The following ZNF48 variants were observed in gnomAD, a reference collection of about 807,000 sequenced individuals.
ZNF48 encodes zinc finger protein 553.
ZNF48 carries 20 observed loss-of-function variants against 40.0 expected under a neutral mutation model. That is an observed-to-expected ratio of 0.50 (90% CI 0.35 to 0.73). The LOEUF (loss-of-function observed/expected upper bound fraction) is 0.73, where lower values mean the gene tolerates loss of function less well. ZNF48 is among the 30% of genes least tolerant of loss of function. The pLI is 0.01. For missense variants in ZNF48, 726 were observed against 851.9 expected, an observed-to-expected ratio of 0.85 and a Z score of 1.84; for synonymous variants, 298 against 329.7, an observed-to-expected ratio of 0.90 and a Z score of 1.04.
chr16:30,378,997 A>G (rs1385744087), intron 1 of ZNF48: 2 of 1,608,646 alleles, frequency 1.2e-6, no homozygotes, highest in African/African-American at 1.3e-5. Flanking sequence ...AGGCTCTGAT[A>G]CTGTCCGCCC....
intron 1 of ZNF48, among the ~76,000 whole-genome samples, chr16:30,387,234 C>A (rs542009057): frequency 6.8e-6 from 1 of 146,632 alleles, no homozygotes; most frequent in Non-Finnish European, 1.5e-5. Context: ...TGAGCCACCG[C>A]GCCCGGCCTT....
At chr16:30,394,909 T>C, upstream of ZNF48, 1 of 315,782 alleles carries the variant, frequency 3.2e-6, no homozygotes, top group South Asian at 2.6e-5. Context: ...TGTCTGCCTC[T>C]AGCCTCTGCT....
In ZNF48 at chr16:30,380,778, AAG is replaced by A. The variant is rs542542133; in HGVS notation, c.-16+2376_-16+2377del. The A allele has an allele frequency of 1.1e-5, 3 of 268,990 alleles. No homozygotes were observed. The South Asian group carries it at 1.3e-4, about 11-fold the overall frequency. 16.7% of individuals were successfully genotyped at this position (268,990 alleles called of 1,614,324 possible). A position where few individuals can be genotyped will look rare whatever the true frequency, so the allele number is the denominator to read the frequency against. On this transcript the variant is annotated intron_variant, in intron 1 of 2. Transcript: ENST00000528032. ...GAGTGAGACTCTATCTAAAAAAAAA[AAG>A]AGAGAGAAAGAGAGGCCGAGAGAGA...
In ZNF48 at chr16:30,396,092, C is replaced by T. The variant is rs1366592516; in HGVS notation, c.79+219C>T. On this transcript the variant is annotated intron_variant, in intron 2 of 2. Transcript: ENST00000613509. Reference sequence around the variant, plus strand: ...TCACGGCCTTCCTCATCCTTACTGCCTCTGCCCTACTTCAGGCTTCATTCT... The same window carrying T: ...TCACGGCCTTCCTCATCCTTACTGCTTCTGCCCTACTTCAGGCTTCATTCT... 11 of 439,446 alleles carry T rather than the reference C, an allele frequency of 2.5e-5. No individual in the cohort carries two copies. In the East Asian group the frequency reaches 3.1e-4, roughly 12 times the overall value. The allele number at this position is 439,446 out of a possible 1,614,324, so 27.2% of individuals were successfully genotyped here. A position where few individuals can be genotyped will look rare whatever the true frequency, so the allele number is the denominator to read the frequency against.
intron 2 of ZNF48, among the ~76,000 whole-genome samples, chr16:30,396,950 C>A (rs1287397367): frequency 6.6e-6 from 1 of 151,964 alleles, no homozygotes; most frequent in Non-Finnish European, 1.5e-5. Flanking sequence ...CCTCGGCCTC[C>A]CAAAGTGCTA....
intron 1 of ZNF48, among the ~76,000 whole-genome samples, chr16:30,387,447 C>A (rs1374137054): frequency 6.8e-6 from 1 of 147,302 alleles, no homozygotes; most frequent in Non-Finnish European, 1.5e-5. Context: ...CCCAGATATT[C>A]GGGAGGCTGA....
chr16:30,379,638 C>CTT, intron 1 of ZNF48: 14 of 295,660 alleles, frequency 4.7e-5, no homozygotes, highest in South Asian at 1.1e-4. Flanking sequence ...CTGCCCCTTC[C>CTT]TCTTTTTTTT....
chr16:30,392,313 G>A (rs1020534677), upstream of ZNF48, among the ~76,000 whole-genome samples: 3 of 151,974 alleles, frequency 2.0e-5, no homozygotes, highest in Admixed American at 2.0e-4. Context: ...GTGAGCCACC[G>A]CCCCCGGCCC....
In ZNF48 at chr16:30,395,477, C is replaced by T. The variant is rs2049973659; in HGVS notation, c.-117C>T. The T allele has an allele frequency of 3.0e-6, 1 of 332,548 alleles. No individual in the cohort carries two copies. Among genetic ancestry groups the T allele is most frequent in the Non-Finnish European group, 5.9e-6 (1 of 169,672 alleles). 20.6% of individuals were successfully genotyped at this position (332,548 alleles called of 1,614,324 possible). On this transcript the variant is annotated 5_prime_UTR_variant, in exon 1 of 3. Transcript: ENST00000613509. This position sits in a 1 kb window ranked among gnomAD's most constrained non-coding sequence, Gnocchi z 5.9. ...GGGTCCGAGCCCGCTCCCGGCTTGG[C>T]GCGGAGCCTGCATCCCGGAGCCGCT...
intron 1 of ZNF48, chr16:30,378,814 T>C (rs976803356): frequency 2.0e-6 from 2 of 978,254 alleles, no homozygotes; most frequent in African/African-American, 1.9e-5. Flanking sequence ...AGCCAGTTCC[T>C]TGAGGTTAGG....
Position 30,398,389 on chromosome 16 carries a change from C to G in ZNF48, c.1139C>G (p.Thr380Ser). 2 of 1,612,506 alleles carry G rather than the reference C, an allele frequency of 1.2e-6. No homozygotes were observed. Among genetic ancestry groups the G allele is most frequent in the Non-Finnish European group, 1.7e-6 (2 of 1,179,034 alleles). Residue 380 changes from threonine (T) to serine (S), a missense_variant, in exon 3 of 3, where the codon ACT becomes AGT. Transcript: ENST00000613509. This position sits in a 1 kb window ranked among gnomAD's most constrained non-coding sequence, Gnocchi z 6.6. ...LSSTLLRHRLTHMEPQDFSFP... is the reference protein window; with the variant it reads ...LSSTLLRHRLSHMEPQDFSFP... Reference sequence around the variant, plus strand: ...TCCACCCTTCTTCGCCACCGCCTCACTCACATGGAGCCCCAGGACTTCAGC... The same window carrying G: ...TCCACCCTTCTTCGCCACCGCCTCAGTCACATGGAGCCCCAGGACTTCAGC...
At chr16:30,387,153 C>T (rs544561112) in intron 1 of ZNF48, among the ~76,000 whole-genome samples, 5 of 148,944 alleles carry the variant, frequency 3.4e-5, no homozygotes, top group Admixed American at 2.0e-4. Flanking sequence ...CCGTGTTAGC[C>T]AGGATGGTCT....
chr16:30,395,534 G>T lies in ZNF48; in HGVS notation c.-60G>T. ...TCGGGCGCCTGCACCCCGCTGAGGA[G>T]CTCCGGAGGGCGCCGGGGTGGCGGA... On this transcript the variant is annotated 5_prime_UTR_variant, in exon 1 of 3. Coordinates refer to ENST00000613509, the MANE Select transcript of ZNF48 (RefSeq NM_001214909.2). The surrounding 1 kb of genome is among the most constrained non-coding windows in gnomAD (Gnocchi z 5.9). The T allele has an allele frequency of 4.1e-6, 1 of 241,072 alleles. No individual in the cohort carries two copies. The highest frequency in any genetic ancestry group is 8.1e-6 in the Non-Finnish European group (1 of 123,954). 14.9% of individuals were successfully genotyped at this position (241,072 alleles called of 1,614,324 possible). A position where few individuals can be genotyped will look rare whatever the true frequency, so the allele number is the denominator to read the frequency against.
upstream of ZNF48, among the ~76,000 whole-genome samples, chr16:30,392,775 A>G (rs765545774): frequency 1.4e-4 from 22 of 152,168 alleles, no homozygotes; most frequent in South Asian, 8.3e-4. Flanking sequence ...ACTGAACACT[A>G]CAGAAGGTAT....
Position 30,395,924 on chromosome 16 carries a change from C to A in ZNF48, c.79+51C>A. 3 of 1,446,810 alleles carry A rather than the reference C, an allele frequency of 2.1e-6. No homozygotes were observed. Among genetic ancestry groups the A allele is most frequent in the Non-Finnish European group, 2.8e-6 (3 of 1,089,088 alleles). The allele number at this position is 1,446,810 out of a possible 1,614,324, so 89.6% of individuals were successfully genotyped here. On this transcript the variant is annotated intron_variant, in intron 2 of 2. Transcript: ENST00000613509. The surrounding 1 kb of genome is among the most constrained non-coding windows in gnomAD (Gnocchi z 5.9). ...ACGGACAGGTAACGGCCGGTGGGGA[C>A]TGCGATGCTTGGCTGTGGCCGGCCG...
At chr16:30,394,530 C>T (rs2049964762), upstream of ZNF48, 1 of 152,366 alleles carries the variant, frequency 6.6e-6, no homozygotes, top group South Asian at 2.1e-4. Context: ...AGCCTGGCCT[C>T]TATAGGGCTG....
rs1211507955 is a variant in ZNF48, at chr16:30,397,249, G to A, written c.80-81G>A. 1.6e-5 allele frequency: 20 copies of A among 1,286,014 alleles called. No individual in the cohort carries two copies. The Admixed American group carries it at 4.6e-4, about 30-fold the overall frequency. The allele number at this position is 1,286,014 out of a possible 1,614,324, so 79.7% of individuals were successfully genotyped here. On this transcript the variant is annotated intron_variant, in intron 2 of 2. Coordinates refer to ENST00000613509, the MANE Select transcript of ZNF48 (RefSeq NM_001214909.2). The surrounding 1 kb of genome is among the most constrained non-coding windows in gnomAD (Gnocchi z 4.1). ...GTTCCTGTGACCACAGATTGTCAAG[G>A]GAGTCTTCCTGGAGAGGTTGCTGTC...
At chr16:30,384,957 A>G (rs1272890036) in intron 1 of ZNF48, among the ~76,000 whole-genome samples, 1 of 151,884 alleles carries the variant, frequency 6.6e-6, no homozygotes, top group East Asian at 1.9e-4. Context: ...CAGGCAGATC[A>G]CCTGTGGTCA....
intron 1 of ZNF48, among the ~76,000 whole-genome samples, chr16:30,384,487 G>A (rs544585953): frequency 2.0e-5 from 3 of 152,238 alleles, no homozygotes; most frequent in South Asian, 4.1e-4. Context: ...TCGTGCCACT[G>A]CACTCCAGCC....
Sources: gnomAD v4.1 joint callset for allele counts (sites outside exome capture counted in the v4.1 genomes callset) on GRCh38, gnomAD v4.1.1 for gene constraint, Gnocchi (gnomAD v3.1) non-coding constraint, MANE v1.5 for transcripts, NCBI Gene and HGNC (gene_info 2026-07-23, HGNC 2026-07-21) for gene names.